Variants in CHCHD6 observed in about 807,000 individuals in gnomAD.
CHCHD6 encodes the protein MICOS complex subunit MIC25.
In CHCHD6, 28 loss-of-function variants were observed where a neutral mutation model predicts 32.3. The observed-to-expected ratio is 0.87, with a 90% confidence interval of 0.64 to 1.19. The LOEUF (loss-of-function observed/expected upper bound fraction) is 1.19. Ranked by LOEUF, CHCHD6 falls within the 50% of genes most tolerant of loss-of-function variation. The probability of loss-of-function intolerance (pLI) is 0.00; values close to 1 mark genes in which losing one functional copy is unlikely to be tolerated. For missense variants in CHCHD6, 333 were observed against 307.0 expected (o/e 1.08, Z -0.63); for synonymous variants, 122 against 117.5 (o/e 1.04, Z -0.25).
intron 4 of CHCHD6, among the ~76,000 whole-genome samples, chr3:126,795,968 A>G (rs146882226): frequency 2.9e-4 from 44 of 152,268 alleles, no homozygotes; most frequent in African/African-American, 9.9e-4. Flanking sequence ...AGTCAGTTTC[A>G]GTGGTGGGGT....
intron 5 of CHCHD6, 126 bp downstream of exon 5, chr3:126,852,856 A>G: frequency 1.5e-6 from 1 of 650,322 alleles, no homozygotes. Flanking sequence ...GATGCCAGTC[A>G]CTCCTTGGAC....
intron 4 of CHCHD6, among the ~76,000 whole-genome samples, chr3:126,742,611 AT>A (rs1176101665): frequency 6.6e-6 from 1 of 152,124 alleles, no homozygotes; most frequent in Non-Finnish European, 1.5e-5. Context: ...GAGTTGATGG[AT>A]TAAGGAGTTA....
intron 1 of CHCHD6, among the ~76,000 whole-genome samples, chr3:126,721,596 A>C (rs1018730746): frequency 1.3e-5 from 2 of 152,166 alleles, no homozygotes; most frequent in African/African-American, 4.8e-5. Context: ...GATGTGATTC[A>C]CATGCTGTAC....
intron 6 of CHCHD6, among the ~76,000 whole-genome samples, chr3:126,953,418 G>T (rs938035707): frequency 8.5e-5 from 13 of 152,180 alleles, no homozygotes; most frequent in African/African-American, 3.1e-4. Context: ...CACCCTCCAA[G>T]CCCTACGTTG....
intron 4 of CHCHD6, among the ~76,000 whole-genome samples, chr3:126,734,910 A>G (rs570246727): frequency 7.2e-5 from 11 of 152,284 alleles, no homozygotes; most frequent in African/African-American, 1.9e-4. Flanking sequence ...GAAACAGTCA[A>G]TGGTTCCTGA....
intron 1 of CHCHD6, among the ~76,000 whole-genome samples, chr3:126,719,711 G>A (rs1392518299): frequency 6.6e-6 from 1 of 151,596 alleles, no homozygotes; most frequent in African/African-American, 2.4e-5. Context: ...GAAACTGAGG[G>A]ACTGTGTCAC....
intron 5 of CHCHD6, among the ~76,000 whole-genome samples, chr3:126,873,339 C>T (rs147570411): frequency 1.3e-5 from 2 of 152,332 alleles, no homozygotes; most frequent in Non-Finnish European, 2.9e-5. Flanking sequence ...GAAGCTCTCT[C>T]TCCCAGCCTT....
chr3:126,774,291 T>C (rs1055730125), intron 4 of CHCHD6, among the ~76,000 whole-genome samples: 4 of 152,222 alleles, frequency 2.6e-5, no homozygotes, highest in Admixed American at 6.5e-5. Flanking sequence ...AGTTCTCTTA[T>C]GCCCTTTTGC....
intron 1 of CHCHD6, among the ~76,000 whole-genome samples, chr3:126,711,103 C>G (rs991914218): frequency 6.6e-6 from 1 of 152,154 alleles, no homozygotes; most frequent in Non-Finnish European, 1.5e-5. Context: ...TTAATAGTTA[C>G]AGCCACTCCT....
chr3:126,713,887 C>G (rs9839746), intron 1 of CHCHD6, among the ~76,000 whole-genome samples: 1 of 150,872 alleles, frequency 6.6e-6, no homozygotes. Flanking sequence ...ACCATCCTGT[C>G]TAATATGGTG....
intron 5 of CHCHD6, among the ~76,000 whole-genome samples, chr3:126,871,558 G>A (rs969694944): frequency 1.3e-5 from 2 of 152,026 alleles, no homozygotes; most frequent in Non-Finnish European, 2.9e-5. Context: ...GTTCCCTCAA[G>A]GGAGCCCCGT....
At chr3:126,838,115 C>T (rs1186928957) in intron 4 of CHCHD6, among the ~76,000 whole-genome samples, 1 of 152,138 alleles carries the variant, frequency 6.6e-6, no homozygotes, top group South Asian at 2.1e-4. Context: ...CAGAATGAGA[C>T]TAATTTTCAT....
At chr3:126,780,219 C>G in intron 4 of CHCHD6, 1 of 292,038 alleles carries the variant, frequency 3.4e-6, no homozygotes, top group Admixed American at 4.6e-5. Flanking sequence ...GGTTTGTCTT[C>G]AAGTGTTTTC....
intron 4 of CHCHD6, among the ~76,000 whole-genome samples, chr3:126,796,991 T>C (rs1938823686): frequency 6.6e-6 from 1 of 152,184 alleles, no homozygotes; most frequent in Non-Finnish European, 1.5e-5. Context: ...TTTCTACCCC[T>C]GTCTTTTGCC....
At position 126,869,548 on chromosome 3, in the gene CHCHD6, A is replaced by G. The variant is rs181646580; in HGVS notation, c.495+16818A>G. On this transcript the variant is annotated intron_variant, in intron 5 of 7. Transcript: ENST00000290913. ...TGATACGGCTGAGCATCTTTTCATAAGTTTATTGGGCCTTTGTATTTCTTC... is the reference window on the plus strand; with the variant it reads ...TGATACGGCTGAGCATCTTTTCATAGGTTTATTGGGCCTTTGTATTTCTTC... Among the ~76,000 whole-genome samples, 432 of 151,984 alleles carry G rather than the reference A, an allele frequency of 2.8e-3. 1 individual carries two copies. The highest frequency in any genetic ancestry group is 4.5e-3 in the Non-Finnish European group (303 of 67,966).
At chr3:126,809,717 T>G (rs2107530783) in intron 4 of CHCHD6, among the ~76,000 whole-genome samples, 1 of 152,296 alleles carries the variant, frequency 6.6e-6, no homozygotes, top group Admixed American at 6.5e-5. Flanking sequence ...TCATTCCTTC[T>G]AAAACAAGGT....
chr3:126,919,761 A>AT (rs891809307), intron 6 of CHCHD6, among the ~76,000 whole-genome samples: 80 of 142,482 alleles, frequency 5.6e-4, no homozygotes, highest in South Asian at 1.3e-3. Flanking sequence ...TACATTCTTG[A>AT]TTTTTTTTTT....
chr3:126,930,791 A>G (rs772926729), intron 6 of CHCHD6, among the ~76,000 whole-genome samples: 11 of 152,212 alleles, frequency 7.2e-5, no homozygotes, highest in Non-Finnish European at 1.3e-4. Context: ...CGAAGCTCTT[A>G]TCTCCTTTAG....
At chr3:126,954,051 A>G (rs773437371) in intron 6 of CHCHD6, among the ~76,000 whole-genome samples, 2 of 152,190 alleles carry the variant, frequency 1.3e-5, no homozygotes, top group African/African-American at 2.4e-5. Context: ...TTCCAGAGCT[A>G]TGCTCTCCCT....
Sources: gnomAD v4.1 joint callset for allele counts (sites outside exome capture counted in the v4.1 genomes callset) on GRCh38, gnomAD v4.1.1 for gene constraint, MANE v1.5 for transcripts, NCBI Gene and HGNC (gene_info 2026-07-23, HGNC 2026-07-21) for gene names.